The following CCDC150 variants were observed in gnomAD, a reference collection of about 807,000 sequenced individuals.
The protein encoded by CCDC150 is coiled-coil domain-containing protein 150.
A neutral mutation model predicts 156.5 loss-of-function variants in CCDC150; 151 were observed. The ratio of observed to expected loss-of-function variants is 0.97; its 90% CI spans 0.85 to 1.10. The LOEUF (loss-of-function observed/expected upper bound fraction) is 1.10, where lower values mean the gene tolerates loss of function less well. CCDC150 is among the 50% of genes least tolerant of loss of function. CCDC150 has a pLI of 0.00. For missense variants in CCDC150, 1,312 were observed against 1,268.1 expected, an observed-to-expected ratio of 1.03 and a Z score of -0.53; for synonymous variants, 452 against 429.4, an observed-to-expected ratio of 1.05 and a Z score of -0.65.
rs1693237107 is a variant in CCDC150 at position 196,656,960 on chromosome 2, T to C, written c.400T>C (p.Phe134Leu). 6.2e-7 allele frequency: 1 copy of C among 1,613,216 alleles called. No homozygotes were observed. The highest frequency in any genetic ancestry group is 8.5e-7 in the Non-Finnish European group (1 of 1,179,582). The change falls in exon 4 of 28, where the codon TTT (phenylalanine) becomes CTT (leucine). Residue 134 changes from phenylalanine (F) to leucine (L), a missense_variant and splice_region_variant. Coordinates refer to ENST00000389175, the MANE Select transcript of CCDC150 (RefSeq NM_001080539.2). ...GCCCCTCCTGTGCGGTCTGGTAGCT[T>C]TTCTGAAAGATCGACTGAATGCAAT... is the stretch of plus-strand genomic sequence containing the variant. ...EKDLNPQKTA[F>L]LKDRLNAIQE...
rs774382254 is a variant in CCDC150 at position 196,729,388 on chromosome 2, G to A, written c.2751+1G>A. Reference sequence around the variant, plus strand: ...TGCTCAGAATATAGAAAGGATGAAGGTTGTATGGGAAACCTCTTCTCACTT... The same window carrying A: ...TGCTCAGAATATAGAAAGGATGAAGATTGTATGGGAAACCTCTTCTCACTT... On this transcript the variant is annotated splice_donor_variant, in intron 23 of 27. Transcript: ENST00000389175. LOFTEE classifies it high-confidence loss of function. 2.0e-5 allele frequency: 33 copies of A among 1,612,014 alleles called. No individual in the cohort carries two copies. Among genetic ancestry groups the A allele is most frequent in the Non-Finnish European group, 2.8e-5 (33 of 1,178,350 alleles).
chr2:196,653,528 C>T (rs1303385884), intron 2 of CCDC150, among the ~76,000 whole-genome samples: 2 of 152,226 alleles, frequency 1.3e-5, no homozygotes, highest in Non-Finnish European at 2.9e-5. Flanking sequence ...ATAACTTCCT[C>T]ATTTTCATCT....
intron 2 of CCDC150, among the ~76,000 whole-genome samples, chr2:196,654,991 C>T (rs1261009108): frequency 6.6e-6 from 1 of 152,150 alleles, no homozygotes; most frequent in Admixed American, 6.5e-5. Context: ...CTTGTTAGTA[C>T]CATGAGAGCA....
chr2:196,657,131 A>G lies in CCDC150; in HGVS notation c.571A>G (p.Thr191Ala), dbSNP rs757929204. 3.1e-6 allele frequency: 5 copies of G among 1,613,524 alleles called. No homozygotes were observed. The highest frequency in any genetic ancestry group is 4.2e-6 in the Non-Finnish European group (5 of 1,179,650). ...LTATLKIASQ[T>A]KKNAAIIEEE... ...TGCCACTCTGAAGATTGCCTCGCAG[A>G]CAAAGGTTTGAGTCTAAGAGTTCTG... The change falls in exon 4 of 28, where the codon ACA (threonine) becomes GCA (alanine). Residue 191 changes from threonine (T) to alanine (A), a missense_variant. By Grantham distance (58) the Thr-to-Ala change is moderately conservative (BLOSUM62 0). Transcript: ENST00000389175.
intron 21 of CCDC150, among the ~76,000 whole-genome samples, chr2:196,722,193 G>A (rs1223330339): frequency 2.0e-5 from 3 of 152,068 alleles, no homozygotes; most frequent in Non-Finnish European, 2.9e-5. Flanking sequence ...ATTATACCTC[G>A]GTAAATATTT....
At position 196,657,105 on chromosome 2, in the gene CCDC150, C is replaced by A. The variant is rs142774075; in HGVS notation, c.545C>A (p.Thr182Asn). 9.2e-5 allele frequency: 148 copies of A among 1,613,798 alleles called. No individual in the cohort carries two copies. In the African/African-American group the frequency reaches 1.8e-3, roughly 20 times the overall value. Residue 182 changes from threonine to asparagine, a missense_variant, in exon 4 of 28, where the codon ACT (threonine) becomes AAT (asparagine). By Grantham distance (65) the Thr-to-Asn change is moderately conservative (BLOSUM62 0). Coordinates refer to ENST00000389175, the MANE Select transcript of CCDC150 (RefSeq NM_001080539.2). ...DKAQDEVQRLTATLKIASQTK... is the reference protein window; with the variant it reads ...DKAQDEVQRLNATLKIASQTK... ...GCACAAGATGAGGTGCAAAGGTTGA[C>A]TGCCACTCTGAAGATTGCCTCGCAG...
chr2:196,646,775 A>G (rs1003465393), intron 2 of CCDC150, among the ~76,000 whole-genome samples: 14 of 151,804 alleles, frequency 9.2e-5, no homozygotes, highest in Non-Finnish European at 2.9e-5. Flanking sequence ...AAAAACAAAC[A>G]TGTAATTTTT....
intron 26 of CCDC150, 140 bp from the exon 27 acceptor site, chr2:196,731,893 A>G: frequency 3.0e-6 from 2 of 677,172 alleles, no homozygotes; most frequent in Admixed American, 2.8e-5. Flanking sequence ...TGTTAAGTAT[A>G]TTATGCAAAT....
At chr2:196,646,719 A>G (rs909004316) in intron 2 of CCDC150, among the ~76,000 whole-genome samples, 4 of 152,182 alleles carry the variant, frequency 2.6e-5, no homozygotes, top group African/African-American at 9.7e-5. Context: ...GATATTTAAA[A>G]TGTGTTAATT....
intron 15 of CCDC150, among the ~76,000 whole-genome samples, chr2:196,709,619 T>G (rs1041773562): frequency 2.0e-5 from 3 of 152,242 alleles, no homozygotes; most frequent in African/African-American, 7.2e-5. Flanking sequence ...TTTTCTGCTC[T>G]GGTTTCTCCC....
chr2:196,720,331 A>G, intron 19 of CCDC150: 2 of 462,780 alleles, frequency 4.3e-6, no homozygotes, highest in Non-Finnish European at 8.0e-6. Flanking sequence ...AGGTCAAGGG[A>G]ATGGTATTAA....
Position 196,676,650 on chromosome 2 carries a change from T to A in CCDC150, c.1359T>A (p.Ile453=). The part of the protein sequence containing the change: ...AVQKELLEST[I]ARLRGELEAS... The stretch of plus-strand genomic sequence containing the variant: ...AAAAAGAGCTGCTAGAATCAACTAT[T>A]GCAAGATTGCGAGGTGAATTGGAAG... Residue 453 remains isoleucine, a synonymous_variant, in exon 12 of 28, where the codon ATT becomes ATA. Coordinates refer to ENST00000389175, the MANE Select transcript of CCDC150 (RefSeq NM_001080539.2). 6.2e-7 allele frequency: 1 copy of A among 1,613,842 alleles called. No individual in the cohort carries two copies. The highest frequency in any genetic ancestry group is 8.5e-7 in the Non-Finnish European group (1 of 1,179,780).
At chr2:196,717,690 G>A (rs572181267) in intron 17 of CCDC150, among the ~76,000 whole-genome samples, 2 of 152,196 alleles carry the variant, frequency 1.3e-5, no homozygotes, top group African/African-American at 2.4e-5. Flanking sequence ...TTAGGAGTTC[G>A]AGACCAGCCT....
chr2:196,646,311 A>G lies in CCDC150; in HGVS notation c.13-30A>G, dbSNP rs754805245. On this transcript the variant is annotated intron_variant, in intron 1 of 27. Coordinates refer to ENST00000389175, the MANE Select transcript of CCDC150 (RefSeq NM_001080539.2). ...CTATTTTTGAACAATAATAGGACCT[A>G]CCACACTAAGATTGTGACTGTATTC... 3 of 1,607,022 alleles carry G rather than the reference A, an allele frequency of 1.9e-6. No individual in the cohort carries two copies. In the South Asian group the frequency reaches 3.3e-5, roughly 18 times the overall value.
Position 196,646,427 on chromosome 2 carries a change from G to C in CCDC150, c.99G>C (p.Gln33His). 1 of 1,613,716 alleles carries C rather than the reference G, an allele frequency of 6.2e-7. No homozygotes were observed. Among genetic ancestry groups the C allele is most frequent in the Non-Finnish European group, 8.5e-7 (1 of 1,179,650 alleles). ...ATASETFTVL[Q>H]QRMRIVEEQT... ...CTTCTGAAACATTCACAGTACTTCA[G>C]CAAAGGATGAGAATAGTTGAGGAAC... Residue 33 changes from glutamine (Q) to histidine (H), a missense_variant, in exon 2 of 28, where the codon CAG becomes CAC. Gln to His is a conservative substitution (Grantham distance 24). Transcript: ENST00000389175.
chr2:196,672,292 G>T lies in CCDC150; in HGVS notation c.937-53G>T. 3 of 842,424 alleles carry T rather than the reference G, an allele frequency of 3.6e-6. No individual in the cohort carries two copies. The South Asian group carries it at 7.1e-5, about 20-fold the overall frequency. The allele number at this position is 842,424 out of a possible 1,614,324, so 52.2% of individuals were successfully genotyped here. A position where few individuals can be genotyped will look rare whatever the true frequency, so the allele number is the denominator to read the frequency against. ...ATACAAAACAGTTATTTTTATAGGG[G>T]TGCACATAGTATCTCTTATATGTGA... is the stretch of plus-strand genomic sequence containing the variant. On this transcript the variant is annotated intron_variant, in intron 8 of 27. Transcript: ENST00000389175.
intron 13 of CCDC150, 91 bp downstream of exon 13, chr2:196,677,452 A>T: frequency 2.4e-6 from 2 of 822,098 alleles, no homozygotes; most frequent in Non-Finnish European, 4.0e-6. Context: ...GAGATGGCTG[A>T]TGAATACCAA....
intron 2 of CCDC150, among the ~76,000 whole-genome samples, chr2:196,654,553 A>G (rs1693078388): frequency 6.6e-6 from 1 of 150,830 alleles, no homozygotes; most frequent in African/African-American, 2.4e-5. Flanking sequence ...GAATTTTTTC[A>G]TTTCTCTTAT....
chr2:196,720,154 T>A (rs1559274791), intron 19 of CCDC150: 5 of 403,162 alleles, frequency 1.2e-5, no homozygotes, highest in African/African-American at 1.1e-4. Context: ...TTTCAAAAAT[T>A]AAATAAAATT....
Sources: gnomAD v4.1 joint callset for allele counts (sites outside exome capture counted in the v4.1 genomes callset) on GRCh38, gnomAD v4.1.1 for gene constraint, MANE v1.5 for transcripts, NCBI Gene and HGNC (gene_info 2026-07-23, HGNC 2026-07-21) for gene names.